The following ARL6IP6 variants were observed in gnomAD, a reference collection of about 807,000 sequenced individuals.
ARL6IP6 encodes ADP-ribosylation factor-like protein 6-interacting protein 6.
In ARL6IP6, 22 loss-of-function variants were observed where a neutral mutation model predicts 21.5. That is an observed-to-expected ratio of 1.02 (90% confidence interval 0.73 to 1.46). ARL6IP6 has a LOEUF of 1.46. Ranked by LOEUF, ARL6IP6 falls within the 40% of genes most tolerant of loss-of-function variation. The pLI, the probability that ARL6IP6 is intolerant of heterozygous loss-of-function variation, is 0.00. For missense variants in ARL6IP6, 388 were observed against 299.8 expected (o/e 1.29, Z -2.17); for synonymous variants, 164 against 125.3 (o/e 1.31, Z -2.06).
At chr2:152,750,319 C>T (rs56283545) in intron 3 of ARL6IP6, among the ~76,000 whole-genome samples, 22,593 of 151,840 alleles carry the variant, frequency 0.15, 1,906 homozygotes, top group East Asian at 0.26. Flanking sequence ...ACTAAAAATA[C>T]AAAAATTAGC....
chr2:152,743,943 A>C (rs1700928840), intron 3 of ARL6IP6, among the ~76,000 whole-genome samples: 1 of 152,162 alleles, frequency 6.6e-6, no homozygotes, highest in African/African-American at 2.4e-5. Context: ...ACAGCATTGT[A>C]GTTTTTGGAG....
intron 2 of ARL6IP6, among the ~76,000 whole-genome samples, chr2:152,729,979 T>C (rs984418849): frequency 2.0e-5 from 3 of 152,214 alleles, no homozygotes; most frequent in African/African-American, 7.2e-5. Context: ...GTTGGGGAGT[T>C]ACCATTTTCT....
intron 2 of ARL6IP6, among the ~76,000 whole-genome samples, chr2:152,731,595 G>T (rs1700314521): frequency 6.6e-6 from 1 of 152,106 alleles, no homozygotes; most frequent in Non-Finnish European, 1.5e-5. Flanking sequence ...TGTTCAAAAA[G>T]TACTACCTGA....
chr2:152,724,126 AAGAGAG>A (rs1169347748), intron 2 of ARL6IP6, among the ~76,000 whole-genome samples: 1 of 100,074 alleles, frequency 1.0e-5, no homozygotes, highest in Non-Finnish European at 2.9e-5. Flanking sequence ...AAAAAAAAAA[AAGAGAG>A]AAAGCCAAAA....
At position 152,761,265 on chromosome 2, in the gene ARL6IP6, G is replaced by T. The variant is rs1701834236; in HGVS notation, c.*1425G>T. 6.6e-6 allele frequency: 1 copy of T among 152,128 alleles called. No individual in the cohort carries two copies. The highest frequency in any genetic ancestry group is 2.1e-4 in the South Asian group (1 of 4,820). 9.4% of individuals were successfully genotyped at this position (152,128 alleles called of 1,614,324 possible). On this transcript the variant is annotated 3_prime_UTR_variant, in exon 4 of 4. Transcript: ENST00000326446. The stretch of plus-strand genomic sequence containing the variant: ...TTATCTGAAATGTGTGTGTGTGTGT[G>T]TGTATCTAAATATCAATCCCATGGC...
At position 152,761,018 on chromosome 2, in the gene ARL6IP6, T is replaced by G. The variant is rs1351058808; in HGVS notation, c.*1178T>G. 1.3e-5 allele frequency: 2 copies of G among 152,166 alleles called. No individual in the cohort carries two copies. Among genetic ancestry groups the G allele is most frequent in the African/African-American group, 4.8e-5 (2 of 41,426 alleles). The allele number at this position is 152,166 out of a possible 1,614,324, so 9.4% of individuals were successfully genotyped here. A position where few individuals can be genotyped will look rare whatever the true frequency, so the allele number is the denominator to read the frequency against. On this transcript the variant is annotated 3_prime_UTR_variant, in exon 4 of 4. Coordinates refer to ENST00000326446, the MANE Select transcript of ARL6IP6 (RefSeq NM_152522.7). ...CCTCAGTTTTAGAAAGATGGACTAC[T>G]TACAAAGCTGTTTTCCCTGGCCATA...
intron 3 of ARL6IP6, among the ~76,000 whole-genome samples, chr2:152,746,680 C>T (rs914396846): frequency 3.9e-5 from 6 of 152,182 alleles, no homozygotes; most frequent in South Asian, 2.1e-4. Context: ...GCAACAGATA[C>T]GTCAGATGAT....
intron 3 of ARL6IP6, among the ~76,000 whole-genome samples, chr2:152,759,155 C>G (rs972032310): frequency 6.6e-6 from 1 of 152,122 alleles, no homozygotes; most frequent in African/African-American, 2.4e-5. Context: ...AGTTATTAAA[C>G]TAGTTGGCAC....
intron 3 of ARL6IP6, among the ~76,000 whole-genome samples, chr2:152,746,824 T>C (rs951964268): frequency 5.5e-5 from 7 of 126,222 alleles, no homozygotes; most frequent in Middle Eastern, 3.7e-3. Context: ...ATCCTTTCTT[T>C]TTTTTTTTTT....
chr2:152,717,891 G>A, upstream of ARL6IP6: 1 of 1,016,894 alleles, frequency 9.8e-7, no homozygotes, highest in Non-Finnish European at 1.2e-6. Flanking sequence ...TGTTAGCGGT[G>A]GCTGGGACCG....
chr2:152,719,856 T>C, intron 1 of ARL6IP6: 1 of 461,958 alleles, frequency 2.2e-6, no homozygotes, highest in Non-Finnish European at 4.5e-6. Flanking sequence ...TATAATTAAA[T>C]CTATTTAACT....
intron 3 of ARL6IP6, among the ~76,000 whole-genome samples, chr2:152,752,192 A>AC (rs1214380930): frequency 6.6e-6 from 1 of 152,084 alleles, no homozygotes; most frequent in Admixed American, 6.6e-5. Flanking sequence ...GTCTTTTCAA[A>AC]CCCCTCTACC....
rs143517014 is a variant in ARL6IP6, at chr2:152,744,973, A to C, written c.587+9847A>C. ...ACTATTTTAGAGAGTAACATGATCT[A>C]TTACTCTTTTACATGTGTTACTTCC... On this transcript the variant is annotated intron_variant, in intron 3 of 3. Transcript: ENST00000326446. Among the ~76,000 whole-genome samples the C allele has an allele frequency of 3.4e-3, 512 of 152,226 alleles. 3 individuals are homozygous for C. The highest frequency in any genetic ancestry group is 0.012 in the African/African-American group (485 of 41,560).
chr2:152,717,685 G>A (rs921063049), upstream of ARL6IP6: 61 of 1,408,692 alleles, frequency 4.3e-5, no homozygotes, highest in Non-Finnish European at 5.1e-5. Context: ...TCCTCCGTCG[G>A]GAAAACTCTA....
chr2:152,718,389 C>T (rs944445863), upstream of ARL6IP6: 2 of 484,414 alleles, frequency 4.1e-6, no homozygotes, highest in South Asian at 7.2e-5. Flanking sequence ...TGCGCGCTTT[C>T]CTGCTCCCCT....
At chr2:152,754,663 C>T (rs1701496161) in intron 3 of ARL6IP6, among the ~76,000 whole-genome samples, 1 of 152,176 alleles carries the variant, frequency 6.6e-6, no homozygotes, top group Admixed American at 6.5e-5. Flanking sequence ...GCAGCTGTAT[C>T]ATTTTACATT....
chr2:152,748,041 A>C (rs1701141484), intron 3 of ARL6IP6, among the ~76,000 whole-genome samples: 1 of 152,210 alleles, frequency 6.6e-6, no homozygotes, highest in Non-Finnish European at 1.5e-5. Flanking sequence ...TTAATACCTG[A>C]TACCGAGTAT....
At chr2:152,746,821 C>CTTTTTTTTTTTTTTTTT (rs61506535) in intron 3 of ARL6IP6, among the ~76,000 whole-genome samples, 2 of 33,078 alleles carry the variant, frequency 6.0e-5, no homozygotes, top group Non-Finnish European at 1.1e-4. Flanking sequence ...TTTATCCTTT[C>CTTTTTTTTTTTTTTTTT]TTTTTTTTTT....
At chr2:152,748,692 T>C (rs1362663299) in intron 3 of ARL6IP6, among the ~76,000 whole-genome samples, 1 of 152,224 alleles carries the variant, frequency 6.6e-6, no homozygotes, top group Non-Finnish European at 1.5e-5. Context: ...GCTTTCTGCT[T>C]AAAGCAGTAT....
Sources: allele counts gnomAD v4.1 joint callset (sites outside exome capture counted in the v4.1 genomes callset), GRCh38; gene constraint gnomAD v4.1.1; transcripts MANE v1.5; gene names NCBI Gene and HGNC (gene_info 2026-07-23, HGNC 2026-07-21).